ZNF521: variants seen among roughly 807,000 people sequenced by gnomAD.
The protein encoded by ZNF521 is zinc finger protein 521.
In ZNF521, 14 loss-of-function variants were observed where a neutral mutation model predicts 105.5. The observed-to-expected ratio is 0.13, with a 90% CI of 0.09 to 0.21. ZNF521 has a LOEUF of 0.21. ZNF521 is among the 10% of genes least tolerant of loss of function. The pLI, the probability that ZNF521 is intolerant of heterozygous loss-of-function variation, is 1.00. For missense variants in ZNF521, 1,233 were observed against 1,629.7 expected (o/e 0.76, Z 4.19); for synonymous variants, 635 against 606.0 (o/e 1.05, Z -0.70).
rs1425687615 is a variant in ZNF521 at position 25,227,571 on chromosome 18, A to C, written c.347T>G (p.Leu116Arg). The C allele has an allele frequency of 6.2e-7, 1 of 1,614,138 alleles. No homozygotes were observed. Reference protein sequence around the residue: ...DFGEEEGGPGLPYPCQFCDKS... With the variant: ...DFGEEEGGPGRPYPCQFCDKS... ...GTCACAGAATTGACACGGGTATGGA[A>C]GCCCAGGGCCACCTTCTTCCTCTCC... Residue 116 changes from leucine to arginine, a missense_variant, in exon 4 of 8, where the codon CTT (leucine) becomes CGT (arginine). Around this residue, in one of 6 missense-constraint regions of ZNF521, gnomAD observed 85 missense variants for 162.2 expected, o/e 0.52. Coordinates refer to ENST00000361524, the MANE Select transcript of ZNF521 (RefSeq NM_015461.3). This position sits in a 1 kb window ranked among gnomAD's most constrained non-coding sequence, Gnocchi z 5.7.
chr18:25,319,629 C>T (rs1015585859), intron 3 of ZNF521, among the ~76,000 whole-genome samples: 1 of 151,238 alleles, frequency 6.6e-6, no homozygotes, highest in African/African-American at 2.4e-5. Flanking sequence ...AGTGGGTAAA[C>T]ATTTTATGAA....
chr18:25,074,622 T>C (rs1247843900), intron 7 of ZNF521, among the ~76,000 whole-genome samples: 2 of 152,192 alleles, frequency 1.3e-5, no homozygotes, highest in African/African-American at 4.8e-5. Context: ...TCTTAAGATA[T>C]ATTTTTATTC....
rs149855245 is a variant in ZNF521 at position 25,116,222 on chromosome 18, A to G, written c.3659-24141T>C. Among the ~76,000 whole-genome samples, 1,086 of 152,204 alleles carry G rather than the reference A, an allele frequency of 7.1e-3. 27 individuals are homozygous for G. Among genetic ancestry groups the G allele is most frequent in the Admixed American group, 0.059 (895 of 15,258 alleles). On this transcript the variant is annotated intron_variant, in intron 5 of 7. Transcript: ENST00000361524. The stretch of plus-strand genomic sequence containing the variant: ...TACCCAGAAGCTGTGCTAAATGATC[A>G]GGGGCAATCTGAACTGCCATTGGAA...
At chr18:25,105,604 A>T (rs1312716273) in intron 5 of ZNF521, among the ~76,000 whole-genome samples, 1 of 152,168 alleles carries the variant, frequency 6.6e-6, no homozygotes, top group Non-Finnish European at 1.5e-5. Context: ...GTGGGTTTAT[A>T]TACATCCATT....
At chr18:25,246,377 T>C (rs1479951449) in intron 3 of ZNF521, among the ~76,000 whole-genome samples, 2 of 152,234 alleles carry the variant, frequency 1.3e-5, no homozygotes, top group Admixed American at 6.5e-5. Context: ...TTTCAGTGCG[T>C]ATAACACCAC....
intron 4 of ZNF521, among the ~76,000 whole-genome samples, chr18:25,219,505 G>A (rs569056760): frequency 1.3e-5 from 2 of 152,290 alleles, no homozygotes; most frequent in East Asian, 1.9e-4. Context: ...ATATGAGTCC[G>A]AAACTCAGAG....
intron 3 of ZNF521, among the ~76,000 whole-genome samples, chr18:25,259,131 T>C (rs1194562164): frequency 1.5e-4 from 23 of 152,304 alleles, no homozygotes; most frequent in African/African-American, 2.4e-5. Context: ...TTCAACAACA[T>C]GGCAGCTAAG....
At chr18:25,198,068 CA>C (rs1223452779) in intron 4 of ZNF521, among the ~76,000 whole-genome samples, 1 of 151,838 alleles carries the variant, frequency 6.6e-6, no homozygotes, top group Non-Finnish European at 1.5e-5. Flanking sequence ...TGGCCTTTAT[CA>C]ACGCTTAAGT....
At chr18:25,106,103 C>T (rs981356822) in intron 5 of ZNF521, among the ~76,000 whole-genome samples, 3 of 151,872 alleles carry the variant, frequency 2.0e-5, no homozygotes, top group Non-Finnish European at 4.4e-5. Context: ...AAGAAATAAC[C>T]TATTTCAATT....
intron 3 of ZNF521, among the ~76,000 whole-genome samples, chr18:25,294,868 A>AG (rs1911238645): frequency 6.7e-6 from 1 of 149,104 alleles, no homozygotes; most frequent in Non-Finnish European, 1.5e-5. Context: ...AAAAAAAAAA[A>AG]AAAAAAAAAA....
intron 3 of ZNF521, among the ~76,000 whole-genome samples, chr18:25,317,005 C>T (rs542176268): frequency 1.1e-4 from 17 of 152,220 alleles, no homozygotes; most frequent in Admixed American, 2.0e-4. Context: ...CAGGCGTGCG[C>T]CACTATGCCC....
At chr18:25,239,685 G>A (rs1907172540) in intron 3 of ZNF521, among the ~76,000 whole-genome samples, 2 of 152,150 alleles carry the variant, frequency 1.3e-5, no homozygotes, top group South Asian at 4.1e-4. Context: ...TTTGTTCTTT[G>A]AACAGGCTAC....
intron 3 of ZNF521, among the ~76,000 whole-genome samples, chr18:25,292,821 T>C (rs1396537523): frequency 4.6e-5 from 7 of 152,200 alleles, no homozygotes; most frequent in Non-Finnish European, 1.0e-4. Flanking sequence ...TCAAGCTGTT[T>C]TTATTTGTTC....
Position 25,225,572 on chromosome 18 carries a change from C to A in ZNF521, c.2346G>T (p.Val782=). ...KHNHLENQGK[V]HKCIFCGESF... is the part of the protein sequence containing the mutation. The stretch of plus-strand genomic sequence containing the variant: ...ACTCACCGCAGAAAATGCACTTATG[C>A]ACTTTCCCTTGGTTTTCCAGGTGGT... The change falls in exon 4 of 8, where the codon GTG becomes GTT. Residue 782 remains valine, a synonymous_variant. Coordinates refer to ENST00000361524, the MANE Select transcript of ZNF521 (RefSeq NM_015461.3). The surrounding 1 kb of genome is among the most constrained non-coding windows in gnomAD (Gnocchi z 5.6). 1 of 1,614,216 alleles carries A rather than the reference C, an allele frequency of 6.2e-7. No homozygotes were observed. The highest frequency in any genetic ancestry group is 8.5e-7 in the Non-Finnish European group (1 of 1,180,032).
intron 3 of ZNF521, among the ~76,000 whole-genome samples, chr18:25,289,318 AC>A (rs1463124367): frequency 6.6e-6 from 1 of 152,194 alleles, no homozygotes; most frequent in African/African-American, 2.4e-5. Flanking sequence ...TTTCTTTTAA[AC>A]CCCTGGCAGA....
At chr18:25,238,493 T>G (rs1442938593) in intron 3 of ZNF521, among the ~76,000 whole-genome samples, 1 of 152,204 alleles carries the variant, frequency 6.6e-6, no homozygotes, top group Non-Finnish European at 1.5e-5. Context: ...TCTTCCATCC[T>G]CTGCTTTGAG....
At chr18:25,070,100 C>T (rs745740713) in intron 7 of ZNF521, among the ~76,000 whole-genome samples, 2 of 152,044 alleles carry the variant, frequency 1.3e-5, no homozygotes, top group African/African-American at 2.4e-5. Context: ...TCATCAGAAG[C>T]GATCAGAAGA....
intron 3 of ZNF521, among the ~76,000 whole-genome samples, chr18:25,288,019 A>C (rs2145016364): frequency 6.6e-6 from 1 of 152,280 alleles, no homozygotes; most frequent in East Asian, 1.9e-4. Flanking sequence ...CTCTCAGAAA[A>C]GATATAATAC....
chr18:25,137,473 G>A (rs1483896397), intron 5 of ZNF521, among the ~76,000 whole-genome samples: 2 of 152,116 alleles, frequency 1.3e-5, no homozygotes, highest in Non-Finnish European at 2.9e-5. Context: ...TGTCTCGCCG[G>A]TAATGGCCAA....
Sources: gnomAD v4.1 joint callset for allele counts (sites outside exome capture counted in the v4.1 genomes callset) on GRCh38, gnomAD v4.1.1 for gene constraint, gnomAD v4.1.1 regional missense constraint, Gnocchi (gnomAD v3.1) non-coding constraint, MANE v1.5 for transcripts, NCBI Gene and HGNC (gene_info 2026-07-23, HGNC 2026-07-21) for gene names.